ZNF385B: variants seen among roughly 807,000 people sequenced by gnomAD.
ZNF385B encodes zinc finger protein 533.
Under a neutral mutation model 39.2 loss-of-function variants are expected in ZNF385B, and 23 were observed. The ratio of observed to expected loss-of-function variants is 0.59; its 90% CI spans 0.42 to 0.83. ZNF385B has a LOEUF of 0.83. Among genes scored for constraint, ZNF385B ranks in the 40% least tolerant of loss-of-function variants. ZNF385B has a pLI of 0.00. For synonymous variants in ZNF385B, 205 were observed against 222.6 expected, an observed-to-expected ratio of 0.92 and a Z score of 0.70; for missense variants, 552 against 598.9, an observed-to-expected ratio of 0.92 and a Z score of 0.82.
intron 3 of ZNF385B, among the ~76,000 whole-genome samples, chr2:179,722,135 A>G (rs78440013): frequency 0.12 from 18,035 of 152,144 alleles, 1,278 homozygotes; most frequent in Non-Finnish European, 0.16. Flanking sequence ...AAATACCTAG[A>G]AGTATATATA....
intron 3 of ZNF385B, among the ~76,000 whole-genome samples, chr2:179,713,237 A>G (rs1027875278): frequency 6.6e-6 from 1 of 152,180 alleles, no homozygotes; most frequent in African/African-American, 2.4e-5. Context: ...GAACATTTAT[A>G]TTTTCAAGAG....
chr2:179,614,743 T>C (rs937107951), intron 3 of ZNF385B, among the ~76,000 whole-genome samples: 1 of 152,208 alleles, frequency 6.6e-6, no homozygotes, highest in African/African-American at 2.4e-5. Context: ...CGTCAGGGGC[T>C]AGAGAGCAAA....
intron 1 of ZNF385B, among the ~76,000 whole-genome samples, chr2:179,827,131 A>G (rs1028958577): frequency 2.0e-5 from 3 of 152,234 alleles, no homozygotes; most frequent in Admixed American, 2.0e-4. Context: ...TAAGCACTAG[A>G]AATACATTAG....
At position 179,766,934 on chromosome 2, in the gene ZNF385B, A is replaced by G. The variant is rs926636585; in HGVS notation, c.298+2569T>C. On this transcript the variant is annotated intron_variant, in intron 3 of 9. Coordinates refer to ENST00000410066, the MANE Select transcript of ZNF385B (RefSeq NM_152520.6). ...CCTGTGTTACCTGAGCAGGAAAGAA[A>G]AGCCCCCCGCAGTCCACTCCACCTG... Among the ~76,000 whole-genome samples, 3 of 151,302 alleles carry G rather than the reference A, an allele frequency of 2.0e-5. No homozygotes were observed. The East Asian group carries it at 5.8e-4, about 29-fold the overall frequency.
At chr2:179,715,880 T>G (rs1415844530) in intron 3 of ZNF385B, among the ~76,000 whole-genome samples, 1 of 152,156 alleles carries the variant, frequency 6.6e-6, no homozygotes, top group Admixed American at 6.5e-5. Context: ...ATTGTTAAAT[T>G]TTGCTTTTAT....
chr2:179,674,023 T>C (rs896288158), intron 3 of ZNF385B, among the ~76,000 whole-genome samples: 1 of 152,238 alleles, frequency 6.6e-6, no homozygotes, highest in Non-Finnish European at 1.5e-5. Flanking sequence ...ATATATGTTA[T>C]TATATATCAT....
chr2:179,481,871 T>C (rs1464094288), intron 6 of ZNF385B, among the ~76,000 whole-genome samples: 2 of 152,200 alleles, frequency 1.3e-5, no homozygotes, highest in African/African-American at 4.8e-5. Context: ...CCTCACCAGT[T>C]TGCAATTTTG....
chr2:179,663,681 T>C (rs1427391688), intron 3 of ZNF385B, among the ~76,000 whole-genome samples: 1 of 119,510 alleles, frequency 8.4e-6, no homozygotes, highest in Non-Finnish European at 1.6e-5. Flanking sequence ...CTGCATTCCA[T>C]CCAGCCTGGG....
chr2:179,455,186 G>T (rs141716451), intron 6 of ZNF385B, among the ~76,000 whole-genome samples: 353 of 152,038 alleles, frequency 2.3e-3, no homozygotes, highest in Non-Finnish European at 3.7e-3. Flanking sequence ...ATACACAAAT[G>T]CTTATTGTTG....
intron 3 of ZNF385B, among the ~76,000 whole-genome samples, chr2:179,709,743 C>T (rs569495246): frequency 6.6e-6 from 1 of 152,306 alleles, no homozygotes; most frequent in African/African-American, 2.4e-5. Context: ...CAGGCCCTTG[C>T]CACATGATAG....
At chr2:179,750,600 C>A (rs1046304198) in intron 3 of ZNF385B, among the ~76,000 whole-genome samples, 5 of 152,020 alleles carry the variant, frequency 3.3e-5, no homozygotes, top group African/African-American at 1.2e-4. Context: ...ATATTTTGAC[C>A]AAGGCCTTTT....
chr2:179,624,866 C>T (rs1014733016), intron 3 of ZNF385B, among the ~76,000 whole-genome samples: 1 of 152,126 alleles, frequency 6.6e-6, no homozygotes, highest in Admixed American at 6.6e-5. Flanking sequence ...TAGGCCCTTG[C>T]TAGGGAATGT....
chr2:179,542,766 A>C (rs571532694), intron 4 of ZNF385B, among the ~76,000 whole-genome samples: 248 of 152,270 alleles, frequency 1.6e-3, no homozygotes, highest in Middle Eastern at 0.01. Flanking sequence ...GTAAAAAAAA[A>C]CTGTGACTGG....
chr2:179,859,003 T>C (rs1037168199), intron 1 of ZNF385B, among the ~76,000 whole-genome samples: 3 of 151,330 alleles, frequency 2.0e-5, no homozygotes, highest in Admixed American at 6.7e-5. Context: ...CAACTCCACA[T>C]AGCATTAGTC....
intron 3 of ZNF385B, among the ~76,000 whole-genome samples, chr2:179,734,538 CAAAT>C (rs1701615630): frequency 6.6e-6 from 1 of 152,096 alleles, no homozygotes; most frequent in South Asian, 2.1e-4. Context: ...ACAGCAATAT[CAAAT>C]AAAGTATTGA....
chr2:179,679,257 A>G (rs1697278567), intron 3 of ZNF385B, among the ~76,000 whole-genome samples: 1 of 152,178 alleles, frequency 6.6e-6, no homozygotes, highest in Non-Finnish European at 1.5e-5. Context: ...TTTTAGATAC[A>G]CAAATATTTA....
At chr2:179,592,817 T>C (rs1687679324) in intron 3 of ZNF385B, among the ~76,000 whole-genome samples, 1 of 152,192 alleles carries the variant, frequency 6.6e-6, no homozygotes, top group African/African-American at 2.4e-5. Context: ...AATCCTCATA[T>C]ACTTTATTTC....
chr2:179,833,709 T>C (rs1708101271), intron 1 of ZNF385B, among the ~76,000 whole-genome samples: 1 of 152,280 alleles, frequency 6.6e-6, no homozygotes, highest in Middle Eastern at 3.4e-3. Context: ...ATGTTTTACA[T>C]ATTAAAAAGT....
At chr2:179,801,045 C>A (rs531791719) in intron 1 of ZNF385B, among the ~76,000 whole-genome samples, 1 of 152,196 alleles carries the variant, frequency 6.6e-6, no homozygotes. Flanking sequence ...AAAGCCTACA[C>A]CTTCCATTTG....
Sources: allele counts gnomAD v4.1 joint callset (sites outside exome capture counted in the v4.1 genomes callset), GRCh38; gene constraint gnomAD v4.1.1; transcripts MANE v1.5; gene names NCBI Gene and HGNC (gene_info 2026-07-23, HGNC 2026-07-21).